SMOC2: variants seen among roughly 807,000 people sequenced by gnomAD.
SMOC2 encodes the protein SPARC related modular calcium binding 2.
SMOC2 carries 39 observed loss-of-function variants against 61.4 expected under a neutral mutation model. The ratio of observed to expected loss-of-function variants is 0.64; its 90% CI spans 0.49 to 0.83. The LOEUF is 0.83. Among genes scored for constraint, SMOC2 ranks in the 40% least tolerant of loss-of-function variants. The pLI is 0.00. For synonymous variants in SMOC2, 247 were observed against 239.9 expected (o/e 1.03, Z -0.27); for missense variants, 556 against 592.9 (o/e 0.94, Z 0.65).
At chr6:168,505,957 G>A (rs533224567) in intron 1 of SMOC2, among the ~76,000 whole-genome samples, 79 of 152,066 alleles carry the variant, frequency 5.2e-4, no homozygotes, top group Non-Finnish European at 9.9e-4. Flanking sequence ...AAGCAAACAC[G>A]TGGATGCCAT....
chr6:168,563,695 G>A (rs1784476536), intron 7 of SMOC2, among the ~76,000 whole-genome samples: 1 of 152,144 alleles, frequency 6.6e-6, no homozygotes, highest in South Asian at 2.1e-4. Flanking sequence ...CAACCAAGAA[G>A]GCGCCATCTG....
At chr6:168,497,520 C>T (rs959393124) in intron 1 of SMOC2, among the ~76,000 whole-genome samples, 7 of 152,122 alleles carry the variant, frequency 4.6e-5, no homozygotes, top group African/African-American at 1.7e-4. Context: ...CTCCAGGGAC[C>T]CTCCTGCCTA....
intron 8 of SMOC2, among the ~76,000 whole-genome samples, chr6:168,602,794 A>T (rs1785584002): frequency 6.6e-6 from 1 of 152,214 alleles, no homozygotes; most frequent in Non-Finnish European, 1.5e-5. Context: ...CAGTGAGGGC[A>T]GGTCAGGGTG....
intron 8 of SMOC2, among the ~76,000 whole-genome samples, chr6:168,599,788 A>G (rs1298486946): frequency 5.4e-5 from 3 of 55,916 alleles, no homozygotes; most frequent in Admixed American, 2.9e-4. Context: ...ACACACAAAC[A>G]TACCCACAGT....
intron 7 of SMOC2, among the ~76,000 whole-genome samples, chr6:168,573,373 T>G (rs9455662): frequency 0.12 from 10,613 of 85,382 alleles, 973 homozygotes; most frequent in Middle Eastern, 0.19. Context: ...CCCCGGGTGC[T>G]GGGACCAGGG....
intron 1 of SMOC2, among the ~76,000 whole-genome samples, chr6:168,501,810 C>T (rs1249751512): frequency 2.6e-5 from 4 of 152,194 alleles, no homozygotes; most frequent in East Asian, 1.9e-4. Flanking sequence ...CTGAGAGGTC[C>T]GTCTTGATTC....
At chr6:168,615,066 CAT>C (rs1455778869) in intron 9 of SMOC2, among the ~76,000 whole-genome samples, 10 of 103,804 alleles carry the variant, frequency 9.6e-5, no homozygotes, top group African/African-American at 3.8e-4. Flanking sequence ...AGGGCCTCTT[CAT>C]ACTTACAGCC....
intron 2 of SMOC2, among the ~76,000 whole-genome samples, chr6:168,523,689 G>A (rs1454880093): frequency 1.3e-5 from 2 of 152,034 alleles, no homozygotes; most frequent in East Asian, 1.9e-4. Flanking sequence ...ATCAACCTCC[G>A]CACCTGGCCG....
intron 8 of SMOC2, among the ~76,000 whole-genome samples, chr6:168,602,883 G>A (rs903544855): frequency 1.3e-5 from 2 of 152,188 alleles, no homozygotes; most frequent in African/African-American, 2.4e-5. Flanking sequence ...TTCAGGCAGA[G>A]GGCAGGTCCT....
intron 9 of SMOC2, among the ~76,000 whole-genome samples, chr6:168,627,840 C>G (rs1786454839): frequency 6.6e-6 from 1 of 152,198 alleles, no homozygotes; most frequent in Non-Finnish European, 1.5e-5. Flanking sequence ...TGTCAGAATT[C>G]AAATGGAGTC....
intron 9 of SMOC2, among the ~76,000 whole-genome samples, chr6:168,616,069 C>G (rs2002240): frequency 6.6e-6 from 1 of 152,112 alleles, no homozygotes; most frequent in South Asian, 2.1e-4. Flanking sequence ...AGACAGGAGC[C>G]GGCCAGGACC....
chr6:168,576,821 C>T (rs1443272573), intron 7 of SMOC2, among the ~76,000 whole-genome samples: 1 of 152,108 alleles, frequency 6.6e-6, no homozygotes, highest in African/African-American at 2.4e-5. Flanking sequence ...GATGTGAACA[C>T]ACATCCCTAA....
chr6:168,642,653 G>A (rs1786921958), intron 9 of SMOC2, among the ~76,000 whole-genome samples: 1 of 152,220 alleles, frequency 6.6e-6, no homozygotes, highest in South Asian at 2.1e-4. Context: ...TCTAAGGCCA[G>A]GCCCTTGAGG....
Position 168,528,267 on chromosome 6 carries a change from G to GTTTTTTT in SMOC2, c.463+548_463+554dup, listed in dbSNP as rs60113269. Among the ~76,000 whole-genome samples, 23 of 136,558 alleles carry GTTTTTTT rather than the reference G, an allele frequency of 1.7e-4. 1 individual carries two copies. Among genetic ancestry groups the GTTTTTTT allele is most frequent in the Non-Finnish European group, 2.5e-4 (16 of 64,588 alleles). The allele number at this position is 136,558 out of a possible 152,430, so 89.6% of individuals were successfully genotyped here. On this transcript the variant is annotated intron_variant, in intron 4 of 12. Transcript: ENST00000356284. Reference sequence around the variant, plus strand: ...GTAAAATATTCTCTTTCCCATTAGTGTTTTTTTTTTTTTTGCCAATAGTGC... The same window carrying GTTTTTTT: ...GTAAAATATTCTCTTTCCCATTAGTGTTTTTTTTTTTTTTTTTTTTTGCCAATAGTGC...
chr6:168,592,147 T>C (rs979209696), intron 7 of SMOC2, among the ~76,000 whole-genome samples: 5 of 152,370 alleles, frequency 3.3e-5, no homozygotes, highest in Middle Eastern at 6.8e-3. Flanking sequence ...CCATGATCCT[T>C]GGAGCAGCCT....
intron 1 of SMOC2, among the ~76,000 whole-genome samples, chr6:168,490,394 G>T (rs150163235): frequency 1.2e-4 from 19 of 152,248 alleles, no homozygotes; most frequent in African/African-American, 3.9e-4. Context: ...CTTGTGTCTC[G>T]TCAAGGCGCG....
chr6:168,524,535 T>C (rs1312409566), intron 2 of SMOC2, among the ~76,000 whole-genome samples: 1 of 152,366 alleles, frequency 6.6e-6, no homozygotes. Flanking sequence ...GCATGTTCCA[T>C]GATAGCTCAA....
In SMOC2 at chr6:168,526,435, G is replaced by T. The variant is rs747750452; in HGVS notation, c.346G>T (p.Asp116Tyr). The T allele has an allele frequency of 6.2e-7, 1 of 1,613,988 alleles. No homozygotes were observed. Among genetic ancestry groups the T allele is most frequent in the Non-Finnish European group, 8.5e-7 (1 of 1,180,022 alleles). The change falls in exon 3 of 13, where the codon GAC becomes TAC. Residue 116 changes from aspartate (D) to tyrosine (Y), a missense_variant. Transcript: ENST00000356284. ...QQVFIPECND[D>Y]GTYSQVQCHS... ...AGTGTTCATTCCTGAGTGCAATGAC[G>T]ACGGCACCTACAGTCAGGTTACCGG...
At chr6:168,607,237 A>G (rs529514461) in intron 8 of SMOC2, among the ~76,000 whole-genome samples, 72 of 152,032 alleles carry the variant, frequency 4.7e-4, no homozygotes, top group African/African-American at 1.7e-3. Context: ...CTCTGTTTAA[A>G]TGTCCACCTC....
Sources: allele counts gnomAD v4.1 joint callset (sites outside exome capture counted in the v4.1 genomes callset), GRCh38; gene constraint gnomAD v4.1.1; transcripts MANE v1.5; gene names NCBI Gene and HGNC (gene_info 2026-07-23, HGNC 2026-07-21).